Variants in CSRNP3 observed in about 807,000 individuals in gnomAD.
The protein encoded by CSRNP3 is cysteine/serine-rich nuclear protein 3.
CSRNP3 carries 12 observed loss-of-function variants against 48.0 expected under a neutral mutation model. The observed-to-expected ratio is 0.25, with a 90% CI of 0.16 to 0.41. CSRNP3 has a LOEUF of 0.41. Ranked by LOEUF, CSRNP3 falls within the 10% of genes least tolerant of loss-of-function variation. The pLI, the probability that CSRNP3 is intolerant of heterozygous loss-of-function variation, is 1.00. For missense variants in CSRNP3, 580 were observed against 724.4 expected, an observed-to-expected ratio of 0.80 and a Z score of 2.29; for synonymous variants, 263 against 269.7, an observed-to-expected ratio of 0.98 and a Z score of 0.24.
intron 3 of CSRNP3, among the ~76,000 whole-genome samples, chr2:165,567,287 GAGA>G (rs1199777662): frequency 3.9e-5 from 6 of 152,058 alleles, no homozygotes; most frequent in Non-Finnish European, 2.9e-5. Flanking sequence ...TGTTCTCTGA[GAGA>G]AGGTTTGCTT....
intron 2 of CSRNP3, among the ~76,000 whole-genome samples, chr2:165,506,829 A>G (rs1208536119): frequency 1.3e-5 from 2 of 152,084 alleles, no homozygotes; most frequent in Non-Finnish European, 2.9e-5. Flanking sequence ...TGAATCAAAC[A>G]TTGTCACCAG....
chr2:165,684,357 C>T lies in CSRNP3; in HGVS notation c.*4604C>T, dbSNP rs1029262717. 1 of 152,084 alleles carries T rather than the reference C, an allele frequency of 6.6e-6. No individual in the cohort carries two copies. The highest frequency in any genetic ancestry group is 2.4e-5 in the African/African-American group (1 of 41,452). 9.4% of individuals were successfully genotyped at this position (152,084 alleles called of 1,614,324 possible). ...TCATGAAGCCTTCTATTTCTCCAAA[C>T]AACTCAATATTTCTCTTTAAAATGG... On this transcript the variant is annotated 3_prime_UTR_variant, in exon 7 of 7. Transcript: ENST00000651982.
chr2:165,541,628 G>A (rs1684958840), intron 3 of CSRNP3, among the ~76,000 whole-genome samples: 1 of 152,070 alleles, frequency 6.6e-6, no homozygotes, highest in Admixed American at 6.6e-5. Context: ...GATAATCTCT[G>A]CCTATAGAGA....
At chr2:165,652,927 A>C (rs912017569) in intron 4 of CSRNP3, among the ~76,000 whole-genome samples, 1 of 152,150 alleles carries the variant, frequency 6.6e-6, no homozygotes. Context: ...TGCTATAGTA[A>C]AGCCAATACT....
intron 5 of CSRNP3, among the ~76,000 whole-genome samples, chr2:165,660,141 G>A (rs6724507): frequency 0.45 from 68,124 of 151,852 alleles, 15,308 homozygotes; most frequent in East Asian, 0.55. Flanking sequence ...TGTCACCCAC[G>A]GCAAACCAAC....
chr2:165,666,695 G>GAA lies in CSRNP3; in HGVS notation c.408+8676_408+8677insAA, dbSNP rs1558967931. On this transcript the variant is annotated intron_variant, in intron 5 of 6. Coordinates refer to ENST00000651982, the MANE Select transcript of CSRNP3 (RefSeq NM_001172173.2). ...GGAAGGAAAGAGAGAGTGGTGTTAA[G>GAA]AGAGAGAGAAAGGAAGGAAGGAAAG... Among the ~76,000 whole-genome samples the GAA allele has an allele frequency of 7.3e-4, 97 of 132,420 alleles. 12 individuals carry two copies. The highest frequency in any genetic ancestry group is 2.4e-3 in the African/African-American group (84 of 35,294). 86.9% of individuals were successfully genotyped at this position (132,420 alleles called of 152,430 possible).
chr2:165,655,765 A>G (rs905545545), intron 4 of CSRNP3, among the ~76,000 whole-genome samples: 8 of 152,160 alleles, frequency 5.3e-5, no homozygotes, highest in African/African-American at 1.9e-4. Context: ...TGTGGTGGAG[A>G]ATCTCCATCT....
intron 1 of CSRNP3, among the ~76,000 whole-genome samples, chr2:165,474,613 T>C (rs1196422359): frequency 6.6e-6 from 1 of 152,242 alleles, no homozygotes; most frequent in East Asian, 1.9e-4. Flanking sequence ...ACAATGATCA[T>C]ATTTAGTGGG....
chr2:165,655,192 C>G (rs1464700747), intron 4 of CSRNP3, among the ~76,000 whole-genome samples: 4 of 152,146 alleles, frequency 2.6e-5, no homozygotes, highest in Non-Finnish European at 5.9e-5. Context: ...CGTCTTGAAA[C>G]CAGCAGCAGT....
chr2:165,652,275 G>C (rs569629422), intron 4 of CSRNP3, among the ~76,000 whole-genome samples: 1 of 151,934 alleles, frequency 6.6e-6, no homozygotes, highest in Admixed American at 6.5e-5. Context: ...ATTTTGGGAG[G>C]CTGAGGCAGG....
chr2:165,657,728 A>G (rs747421770), intron 4 of CSRNP3, 33 bp from the exon 5 acceptor site: 9 of 1,604,814 alleles, frequency 5.6e-6, no homozygotes, highest in Non-Finnish European at 7.7e-6. Context: ...CTGCTGCCCC[A>G]AGTGTTCACA....
intron 4 of CSRNP3, among the ~76,000 whole-genome samples, chr2:165,646,524 C>T (rs1217253946): frequency 1.3e-5 from 2 of 152,094 alleles, no homozygotes; most frequent in South Asian, 2.1e-4. Context: ...AAATGTAAAA[C>T]GCAGCAAAAC....
In CSRNP3 at chr2:165,610,231, T is replaced by C. The variant is rs950654633; in HGVS notation, c.148+15018T>C. ...CTTGTGCTTTAATATCATTATATTG[T>C]ATTGTTTCCCACAGTGAGTGTTGAA... On this transcript the variant is annotated intron_variant, in intron 4 of 6. Transcript: ENST00000651982. 2.6e-5 allele frequency among the ~76,000 whole-genome samples: 4 copies of C among 152,320 alleles called. No individual in the cohort carries two copies. The South Asian group carries it at 8.3e-4, about 32-fold the overall frequency.
chr2:165,537,521 T>A (rs1165479471), intron 3 of CSRNP3, among the ~76,000 whole-genome samples: 1 of 151,266 alleles, frequency 6.6e-6, no homozygotes, highest in East Asian at 1.9e-4. Context: ...TCAATTAATG[T>A]GTCAGTTTTA....
chr2:165,620,830 C>T (rs1686325957), intron 4 of CSRNP3, among the ~76,000 whole-genome samples: 1 of 152,068 alleles, frequency 6.6e-6, no homozygotes, highest in South Asian at 2.1e-4. Context: ...AATTCCTTTA[C>T]TACAACCAAA....
chr2:165,581,260 A>G (rs1685540913), intron 3 of CSRNP3, among the ~76,000 whole-genome samples: 1 of 152,208 alleles, frequency 6.6e-6, no homozygotes, highest in African/African-American at 2.4e-5. Flanking sequence ...ACAATGGCAC[A>G]CAAGTGCAGG....
At chr2:165,492,360 C>T (rs1003598372) in intron 1 of CSRNP3, among the ~76,000 whole-genome samples, 1 of 152,106 alleles carries the variant, frequency 6.6e-6, no homozygotes, top group Non-Finnish European at 1.5e-5. Flanking sequence ...AGCCAAAGTC[C>T]TTGAAGGCTC....
chr2:165,527,754 G>T (rs576513409), intron 3 of CSRNP3, among the ~76,000 whole-genome samples: 1 of 152,214 alleles, frequency 6.6e-6, no homozygotes, highest in South Asian at 2.1e-4. Flanking sequence ...AACATAAAGA[G>T]ATAAATGGCC....
intron 4 of CSRNP3, among the ~76,000 whole-genome samples, chr2:165,608,173 G>A (rs533247505): frequency 6.5e-4 from 98 of 151,462 alleles, no homozygotes; most frequent in Non-Finnish European, 1.4e-3. Context: ...ATTGGATTTT[G>A]TTTGGGGGCT....
Sources: allele counts gnomAD v4.1 joint callset (sites outside exome capture counted in the v4.1 genomes callset), GRCh38; gene constraint gnomAD v4.1.1; transcripts MANE v1.5; gene names NCBI Gene and HGNC (gene_info 2026-07-23, HGNC 2026-07-21).